The following NCALD variants were observed in gnomAD, a reference collection of about 807,000 sequenced individuals.
NCALD encodes the protein neurocalcin-delta.
NCALD carries 10 observed loss-of-function variants against 18.6 expected under a neutral mutation model. The ratio of observed to expected loss-of-function variants is 0.54; its 90% CI spans 0.33 to 0.91. NCALD has a LOEUF of 0.91. Among genes scored for constraint, NCALD ranks in the 40% least tolerant of loss-of-function variants. The pLI is 0.03. For synonymous variants in NCALD, 88 were observed against 87.4 expected, an observed-to-expected ratio of 1.01 and a Z score of -0.04; for missense variants, 184 against 247.6, an observed-to-expected ratio of 0.74 and a Z score of 1.72.
At chr8:101,705,340 T>C (rs185435777) in intron 2 of NCALD, among the ~76,000 whole-genome samples, 2 of 152,304 alleles carry the variant, frequency 1.3e-5, no homozygotes, top group East Asian at 1.9e-4. Context: ...AACATGATCA[T>C]ATTAGGTCTT....
At chr8:101,911,362 T>C (rs1285685635) in intron 3 of NCALD, among the ~76,000 whole-genome samples, 92 of 102,416 alleles carry the variant, frequency 9.0e-4, no homozygotes, top group Admixed American at 3.6e-4. Context: ...TTTTCTTTTC[T>C]TTTTTTTTTT....
At chr8:101,885,931 G>A (rs1036267410) in intron 4 of NCALD, among the ~76,000 whole-genome samples, 37 of 152,204 alleles carry the variant, frequency 2.4e-4, no homozygotes, top group African/African-American at 8.9e-4. Context: ...CATGTCTCGG[G>A]TTGTGATATC....
At chr8:101,704,915 C>T (rs747122498) in intron 2 of NCALD, among the ~76,000 whole-genome samples, 17 of 140,920 alleles carry the variant, frequency 1.2e-4, no homozygotes, top group South Asian at 9.2e-4. Flanking sequence ...GCGAAAACTC[C>T]GTGTCAAAAA....
chr8:101,918,158 A>G (rs1281329990), intron 2 of NCALD, among the ~76,000 whole-genome samples: 4 of 152,108 alleles, frequency 2.6e-5, no homozygotes, highest in African/African-American at 7.2e-5. Flanking sequence ...TTCATTCCTA[A>G]GGTGTAAGGT....
At chr8:102,002,341 T>C (rs1237959305) in intron 2 of NCALD, among the ~76,000 whole-genome samples, 1 of 152,118 alleles carries the variant, frequency 6.6e-6, no homozygotes, top group Non-Finnish European at 1.5e-5. Flanking sequence ...CCTAAATATA[T>C]ATGCACCCAA....
intron 4 of NCALD, among the ~76,000 whole-genome samples, chr8:101,859,876 C>T (rs1036778387): frequency 1.3e-5 from 2 of 152,106 alleles, no homozygotes; most frequent in Admixed American, 6.5e-5. Flanking sequence ...TGAATGTGCC[C>T]GTTTGCCCAA....
intron 2 of NCALD, among the ~76,000 whole-genome samples, chr8:101,965,081 T>G (rs755117393): frequency 1.4e-4 from 22 of 152,038 alleles, no homozygotes; most frequent in Non-Finnish European, 2.2e-4. Context: ...ATCACACCAG[T>G]TAGAATAGCA....
chr8:102,111,469 C>T (rs1312506996), intron 1 of NCALD, among the ~76,000 whole-genome samples: 1 of 151,116 alleles, frequency 6.6e-6, no homozygotes, highest in Non-Finnish European at 1.5e-5. Flanking sequence ...CTGAGTGTTG[C>T]TTCCTCTCTC....
intron 1 of NCALD, among the ~76,000 whole-genome samples, chr8:101,787,901 C>T (rs141344605): frequency 1.3e-5 from 2 of 152,288 alleles, no homozygotes; most frequent in African/African-American, 4.8e-5. Flanking sequence ...GCTTCAAATG[C>T]TATGAGCACA....
chr8:101,998,208 A>G (rs1051103736), intron 2 of NCALD, among the ~76,000 whole-genome samples: 20 of 152,252 alleles, frequency 1.3e-4, no homozygotes, highest in African/African-American at 4.6e-4. Context: ...CTAGGGGAAT[A>G]GCAAGTCATT....
chr8:102,097,010 A>G (rs911951993), intron 1 of NCALD, among the ~76,000 whole-genome samples: 3 of 152,220 alleles, frequency 2.0e-5, no homozygotes, highest in African/African-American at 7.2e-5. Context: ...TAAGACTTCA[A>G]CACAAGAATT....
chr8:101,888,284 G>T lies in NCALD; in HGVS notation c.-106-1057C>A, dbSNP rs748992307. ...TCTGAAGACTGATATTTGAGGATAT[G>T]TGTCTATAAAAACCCTAGTACTCAG... On this transcript the variant is annotated intron_variant, in intron 3 of 6. Transcript: ENST00000311028. 9.5e-4 allele frequency among the ~76,000 whole-genome samples: 145 copies of T among 152,230 alleles called. 1 individual carries two copies. The Middle Eastern group carries it at 0.024, about 25-fold the overall frequency.
At chr8:101,962,405 G>A (rs1021550951) in intron 2 of NCALD, among the ~76,000 whole-genome samples, 2 of 152,182 alleles carry the variant, frequency 1.3e-5, no homozygotes, top group African/African-American at 4.8e-5. Context: ...TTCTTGATTT[G>A]CTAAAGCCAT....
intron 1 of NCALD, among the ~76,000 whole-genome samples, chr8:101,779,383 T>C (rs1811922350): frequency 1.3e-5 from 2 of 152,154 alleles, no homozygotes; most frequent in South Asian, 4.1e-4. Flanking sequence ...AATTAAACTA[T>C]GACATGCCAC....
chr8:101,993,622 T>A (rs1821132327), intron 2 of NCALD, among the ~76,000 whole-genome samples: 1 of 152,092 alleles, frequency 6.6e-6, no homozygotes, highest in South Asian at 2.1e-4. Flanking sequence ...TCCAACAAGT[T>A]CCCTCCTCTT....
chr8:101,740,245 C>T (rs1020447416), intron 1 of NCALD, among the ~76,000 whole-genome samples: 1 of 152,220 alleles, frequency 6.6e-6, no homozygotes, highest in Non-Finnish European at 1.5e-5. Flanking sequence ...AAAGTGTGTG[C>T]AGGCACTAGA....
intron 1 of NCALD, among the ~76,000 whole-genome samples, chr8:102,056,018 T>G (rs909593596): frequency 1.3e-5 from 2 of 152,182 alleles, no homozygotes; most frequent in Non-Finnish European, 2.9e-5. Flanking sequence ...ATGAATAACA[T>G]GGATTTCTGG....
At chr8:101,710,255 G>A (rs1157817374) in intron 2 of NCALD, among the ~76,000 whole-genome samples, 1 of 152,216 alleles carries the variant, frequency 6.6e-6, no homozygotes, top group African/African-American at 2.4e-5. Flanking sequence ...CTTTTTCATG[G>A]TCTTCACAAC....
intron 1 of NCALD, among the ~76,000 whole-genome samples, chr8:102,050,848 T>C (rs997649103): frequency 1.4e-5 from 2 of 146,598 alleles, no homozygotes; most frequent in African/African-American, 4.9e-5. Context: ...CATTTTTAAT[T>C]TAATTAATTA....
Sources: allele counts gnomAD v4.1 joint callset (sites outside exome capture counted in the v4.1 genomes callset), GRCh38; gene constraint gnomAD v4.1.1; transcripts MANE v1.5; gene names NCBI Gene and HGNC (gene_info 2026-07-23, HGNC 2026-07-21).